Variants in SOX18 observed in about 807,000 individuals in gnomAD.
The protein encoded by SOX18 is transcription factor SOX-18.
A neutral mutation model predicts 9.1 loss-of-function variants in SOX18; 2 were observed. That is an observed-to-expected ratio of 0.22 (90% confidence interval 0.09 to 0.69). The LOEUF (loss-of-function observed/expected upper bound fraction) is 0.69, where lower values mean the gene tolerates loss of function less well. Ranked by LOEUF, SOX18 falls within the 30% of genes least tolerant of loss-of-function variation. The probability of loss-of-function intolerance (pLI) is 0.80; values close to 1 mark genes in which losing one functional copy is unlikely to be tolerated. For synonymous variants in SOX18, 292 were observed against 280.5 expected (o/e 1.04, Z -0.41); for missense variants, 542 against 567.3 (o/e 0.96, Z 0.45).
chr20:64,048,687 G>T lies in SOX18; in HGVS notation c.634C>A (p.Leu212Met). The T allele has an allele frequency of 2.2e-6, 3 of 1,356,612 alleles. No individual in the cohort carries two copies. Among genetic ancestry groups the T allele is most frequent in the Non-Finnish European group, 2.8e-6 (3 of 1,063,168 alleles). 84.0% of individuals were successfully genotyped at this position (1,356,612 alleles called of 1,614,324 possible). A position where few individuals can be genotyped will look rare whatever the true frequency, so the allele number is the denominator to read the frequency against. Residue 212 changes from leucine to methionine, a missense_variant, in exon 2 of 2, where the codon CTG becomes ATG. By Grantham distance (15) the Leu-to-Met change is conservative (BLOSUM62 2). Transcript: ENST00000340356. ...AGAGGCGAGCGCTCGGGCGTGGGCA[G>T]CCCCAGGCCGTCGAACTCGGCGCCC... ...PLGAEFDGLG[L>M]PTPERSPLDG...
rs768744578 is a variant in SOX18, at chr20:64,049,326, G to A, written c.191C>T (p.Pro64Leu). ...GGCCGGGCTGAGGCCATAGCGCCCCGGCTCGGGGCTGCGCGGGGGACTGCG... is the reference window on the plus strand; with the variant it reads ...GGCCGGGCTGAGGCCATAGCGCCCCAGCTCGGGGCTGCGCGGGGGACTGCG... ...PQRSPPRSPE[P>L]GRYGLSPAGR... The change falls in exon 1 of 2, where the codon CCG (proline) becomes CTG (leucine). Residue 64 changes from proline to leucine, a missense_variant. Transcript: ENST00000340356. 6 of 1,401,810 alleles carry A rather than the reference G, an allele frequency of 4.3e-6. No homozygotes were observed. Among genetic ancestry groups the A allele is most frequent in the African/African-American group, 1.5e-5 (1 of 65,774 alleles). 86.8% of individuals were successfully genotyped at this position (1,401,810 alleles called of 1,614,324 possible). A position where few individuals can be genotyped will look rare whatever the true frequency, so the allele number is the denominator to read the frequency against.
rs1429120378 is a variant in SOX18 at position 64,048,287 on chromosome 20, T to C, written c.1034A>G (p.Tyr345Cys). 1.3e-6 allele frequency: 2 copies of C among 1,596,852 alleles called. No homozygotes were observed. Among genetic ancestry groups the C allele is most frequent in the Admixed American group, 3.4e-5 (2 of 58,332 alleles). ...RTRPDAPGLP[Y>C]HVALAKLGPR... is the part of the protein sequence containing the mutation. ...GCCCAGTTTGGCCAGTGCCACGTGG[T>C]ACGGGAGCCCGGGGGCGTCGGGCCG... is the stretch of plus-strand genomic sequence containing the variant. The change falls in exon 2 of 2, where the codon TAC becomes TGC. Residue 345 changes from tyrosine (Y) to cysteine (C), a missense_variant. By Grantham distance (194) the Tyr-to-Cys change is radical. Coordinates refer to ENST00000340356, the MANE Select transcript of SOX18 (RefSeq NM_018419.3).
At position 64,049,317 on chromosome 20, in the gene SOX18, T is replaced by G; in HGVS notation, c.200A>C (p.Tyr67Ser). The part of the protein sequence containing the change: ...SPPRSPEPGR[Y>S]GLSPAGRGER... ...CCCGCGGCCGGCCGGGCTGAGGCCA[T>G]AGCGCCCCGGCTCGGGGCTGCGCGG... The change falls in exon 1 of 2, where the codon TAT (tyrosine) becomes TCT (serine). Residue 67 changes from tyrosine to serine, a missense_variant. Physicochemically the swap from Tyr to Ser is moderately radical, Grantham distance 144. Coordinates refer to ENST00000340356, the MANE Select transcript of SOX18 (RefSeq NM_018419.3). 2.8e-6 allele frequency: 4 copies of G among 1,442,586 alleles called. No individual in the cohort carries two copies. Among genetic ancestry groups the G allele is most frequent in the Middle Eastern group, 2.4e-4 (1 of 4,138 alleles). The allele number at this position is 1,442,586 out of a possible 1,614,324, so 89.4% of individuals were successfully genotyped here.
chr20:64,049,100 ACCCCGGCCCGAGCCCCCCCCGC>A, intron 1 of SOX18, 37 bp downstream of exon 1: 4 of 275,872 alleles, frequency 1.4e-5, no homozygotes, highest in East Asian at 4.4e-4. Context: ...CCCCCGCCCC[ACCCCGGCCCGAGCCCCCCCCGC>A]CCTCTCCCCC....
chr20:64,048,016 C>T lies in SOX18; in HGVS notation c.*150G>A, dbSNP rs903075113. The T allele has an allele frequency of 3.0e-5, 26 of 876,164 alleles. No individual in the cohort carries two copies. Among genetic ancestry groups the T allele is most frequent in the Non-Finnish European group, 3.4e-5 (19 of 561,860 alleles). The allele number at this position is 876,164 out of a possible 1,614,324, so 54.3% of individuals were successfully genotyped here. A position where few individuals can be genotyped will look rare whatever the true frequency, so the allele number is the denominator to read the frequency against. On this transcript the variant is annotated 3_prime_UTR_variant, in exon 2 of 2. Transcript: ENST00000340356. ...AGGGTGGCCTGGGAGGTGGAACGGGCGCAAGGCCGAGCATCACTGGCTCCT... is the reference window on the plus strand; with the variant it reads ...AGGGTGGCCTGGGAGGTGGAACGGGTGCAAGGCCGAGCATCACTGGCTCCT...
chr20:64,047,847 G>A lies in SOX18; in HGVS notation c.*319C>T. The stretch of plus-strand genomic sequence containing the variant: ...TTGTAGAAAATACACTGCAAGAAAA[G>A]GAGCAGGTGCTTCAAAAATGTAACC... On this transcript the variant is annotated 3_prime_UTR_variant, in exon 2 of 2. Coordinates refer to ENST00000340356, the MANE Select transcript of SOX18 (RefSeq NM_018419.3). 1 of 439,158 alleles carries A rather than the reference G, an allele frequency of 2.3e-6. No individual in the cohort carries two copies. The highest frequency in any genetic ancestry group is 4.1e-6 in the Non-Finnish European group (1 of 245,470). The allele number at this position is 439,158 out of a possible 1,614,324, so 27.2% of individuals were successfully genotyped here.
chr20:64,048,994 C>T, intron 1 of SOX18, 32 bp from the exon 2 acceptor site: 1 of 1,553,428 alleles, frequency 6.4e-7, no homozygotes, highest in South Asian at 1.2e-5. Context: ...GAGTGGAACG[C>T]CGTCGGGCGG....
In SOX18 at chr20:64,048,821, C is replaced by A; in HGVS notation, c.500G>T (p.Arg167Leu). 1.3e-6 allele frequency: 2 copies of A among 1,563,976 alleles called. No individual in the cohort carries two copies. The highest frequency in any genetic ancestry group is 2.4e-5 in the East Asian group (1 of 41,526). The change falls in exon 2 of 2, where the codon CGG (arginine) becomes CTG (leucine). Residue 167 changes from arginine (R) to leucine (L), a missense_variant. Coordinates refer to ENST00000340356, the MANE Select transcript of SOX18 (RefSeq NM_018419.3). ...RRKKQARKARRLEPGLLLPGL... is the reference protein window; with the variant it reads ...RRKKQARKARLLEPGLLLPGL... ...CGGGAGCAGGAGGCCGGGCTCCAGC[C>A]GCCGGGCCTTGCGCGCCTGCTTCTT...
rs2059411494 is a variant in SOX18, at chr20:64,048,770, G to C, written c.551C>G (p.Pro184Arg). The change falls in exon 2 of 2, where the codon CCC becomes CGC. Residue 184 changes from proline (P) to arginine (R), a missense_variant. Pro to Arg is a moderately radical substitution (Grantham distance 103). Coordinates refer to ENST00000340356, the MANE Select transcript of SOX18 (RefSeq NM_018419.3). ...LPGLAPPQPP[P>R]EPFPAASGSA... ...GCCAGACGCCGCGGGGAAAGGCTCG[G>C]GCGGTGGCTGCGGGGGCGCTAATCC... 1 of 1,494,798 alleles carries C rather than the reference G, an allele frequency of 6.7e-7. No homozygotes were observed. The highest frequency in any genetic ancestry group is 1.5e-5 in the African/African-American group (1 of 68,856). 92.6% of individuals were successfully genotyped at this position (1,494,798 alleles called of 1,614,324 possible).
rs1442361544 is a variant in SOX18 at position 64,049,341 on chromosome 20, G to A, written c.176C>T (p.Pro59Leu). ...ATAGCGCCCCGGCTCGGGGCTGCGC[G>A]GGGGACTGCGCTGCGGGCTGGGCGG... is the stretch of plus-strand genomic sequence containing the variant. The part of the protein sequence containing the change: ...ASPPSPQRSP[P>L]RSPEPGRYGL... Residue 59 changes from proline (P) to leucine (L), a missense_variant, in exon 1 of 2, where the codon CCG becomes CTG. Pro to Leu is a moderately conservative substitution (Grantham distance 98). Coordinates refer to ENST00000340356, the MANE Select transcript of SOX18 (RefSeq NM_018419.3). 7.1e-6 allele frequency: 9 copies of A among 1,261,076 alleles called. No individual in the cohort carries two copies. Among genetic ancestry groups the A allele is most frequent in the Admixed American group, 3.3e-5 (1 of 30,694 alleles). The allele number at this position is 1,261,076 out of a possible 1,614,324, so 78.1% of individuals were successfully genotyped here.
rs1283715642 is a variant in SOX18 at position 64,048,902 on chromosome 20, C to A, written c.419G>T (p.Arg140Leu). 2.5e-6 allele frequency: 4 copies of A among 1,596,446 alleles called. No homozygotes were observed. The highest frequency in any genetic ancestry group is 1.4e-5 in the African/African-American group (1 of 73,708). ...GTCGCGCAAGTGCTGCACGCGCAGC[C>A]GTTCGGCTTCCTCCACGAAGGGCCG... ...EKRPFVEEAERLRVQHLRDHP... is the reference protein window; with the variant it reads ...EKRPFVEEAELLRVQHLRDHP... Residue 140 changes from arginine (R) to leucine (L), a missense_variant, in exon 2 of 2, where the codon CGG (arginine) becomes CTG (leucine). Physicochemically the swap from Arg to Leu is moderately radical, Grantham distance 102. Coordinates refer to ENST00000340356, the MANE Select transcript of SOX18 (RefSeq NM_018419.3).
Position 64,048,370 on chromosome 20 carries a change from A to T in SOX18, c.951T>A (p.Asp317Glu), listed in dbSNP as rs1431448540. 2.5e-6 allele frequency: 4 copies of T among 1,576,976 alleles called. No individual in the cohort carries two copies. Among genetic ancestry groups the T allele is most frequent in the Non-Finnish European group, 3.4e-6 (4 of 1,164,572 alleles). The change falls in exon 2 of 2, where the codon GAT (aspartate) becomes GAA (glutamate). Residue 317 changes from aspartate to glutamate, a missense_variant. Asp to Glu is a conservative substitution (Grantham distance 45, BLOSUM62 2). Coordinates refer to ENST00000340356, the MANE Select transcript of SOX18 (RefSeq NM_018419.3). The part of the protein sequence containing the change: ...ESAEPLGPAA[D>E]LWADVDLTEF... ...CGGTGAGGTCCACGTCGGCCCACAG[A>T]TCGGCGGCGGGCCCCAGCGGCTCGG...
intron 1 of SOX18, 60 bp downstream of exon 1, chr20:64,049,099 C>T (rs1298933518): frequency 1.0e-6 from 1 of 977,734 alleles, no homozygotes; most frequent in Non-Finnish European, 1.3e-6. Flanking sequence ...CCCCCCGCCC[C>T]ACCCCGGCCC....
chr20:64,049,084 C>CCGGGG, intron 1 of SOX18, 75 bp downstream of exon 1: 1 of 1,037,304 alleles, frequency 9.6e-7, no homozygotes, highest in Non-Finnish European at 1.2e-6. Flanking sequence ...CCCGGGACCC[C>CCGGGG]TGCCCCCCCC....
rs1373641445 is a variant in SOX18, at chr20:64,049,144, C to T, written c.358+15G>A. 2 of 1,430,430 alleles carry T rather than the reference C, an allele frequency of 1.4e-6. No homozygotes were observed. Among genetic ancestry groups the T allele is most frequent in the Middle Eastern group, 2.5e-4 (1 of 3,934 alleles). 88.6% of individuals were successfully genotyped at this position (1,430,430 alleles called of 1,614,324 possible). On this transcript the variant is annotated intron_variant, in intron 1 of 1. Coordinates refer to ENST00000340356, the MANE Select transcript of SOX18 (RefSeq NM_018419.3). ...CCGCCCTCTCCCCCTTCTCTGCCGC[C>T]CTCCCGCCGCTCACCCAGCATCTTG...
In SOX18 at chr20:64,048,882, G is replaced by A; in HGVS notation, c.439C>T (p.Arg147Cys). 6.3e-7 allele frequency: 1 copy of A among 1,594,896 alleles called. No homozygotes were observed. Among genetic ancestry groups the A allele is most frequent in the East Asian group, 2.3e-5 (1 of 43,884 alleles). ...CGGTACTTGTAGTTGGGGTGGTCGC[G>A]CAAGTGCTGCACGCGCAGCCGTTCG... Reference protein sequence around the residue: ...EAERLRVQHLRDHPNYKYRPR... With the variant: ...EAERLRVQHLCDHPNYKYRPR... The change falls in exon 2 of 2, where the codon CGC (arginine) becomes TGC (cysteine). Residue 147 changes from arginine (R) to cysteine (C), a missense_variant. Physicochemically the swap from Arg to Cys is radical, Grantham distance 180. Coordinates refer to ENST00000340356, the MANE Select transcript of SOX18 (RefSeq NM_018419.3).
In SOX18 at chr20:64,048,307, G is replaced by A; in HGVS notation, c.1014C>T (p.Pro338=). Residue 338 remains proline (P), a synonymous_variant, in exon 2 of 2, where the codon CCC becomes CCT. Coordinates refer to ENST00000340356, the MANE Select transcript of SOX18 (RefSeq NM_018419.3). ...CGTGGTACGGGAGCCCGGGGGCGTC[G>A]GGCCGAGTCCGGCTGCAGTTGAGGT... ...DQYLNCSRTR[P]DAPGLPYHVA... is the part of the protein sequence containing the mutation. 1.3e-6 allele frequency: 2 copies of A among 1,594,004 alleles called. No homozygotes were observed. Among genetic ancestry groups the A allele is most frequent in the Non-Finnish European group, 1.7e-6 (2 of 1,171,788 alleles).
Position 64,049,570 on chromosome 20 carries a change from G to A in SOX18, c.-54C>T. The A allele has an allele frequency of 2.0e-6, 2 of 1,018,518 alleles. No individual in the cohort carries two copies. Among genetic ancestry groups the A allele is most frequent in the Middle Eastern group, 9.2e-4 (2 of 2,172 alleles). The allele number at this position is 1,018,518 out of a possible 1,614,324, so 63.1% of individuals were successfully genotyped here. ...GAGCGCGGGAGCGCGGCGGGCGGGC[G>A]GCGGGCACTGGGGAGCCGGGCGCAA... On this transcript the variant is annotated 5_prime_UTR_variant, in exon 1 of 2. Transcript: ENST00000340356.
chr20:64,048,252 T>G lies in SOX18; in HGVS notation c.1069A>C (p.Met357Leu), dbSNP rs781457379. The G allele has an allele frequency of 1.9e-6, 3 of 1,593,296 alleles. No individual in the cohort carries two copies. In the Admixed American group the frequency reaches 5.2e-5, roughly 28 times the overall value. ...AGGCTGCTCTCCTCTGGGCAGGACA[T>G]GGCGCGCGGGCCCAGTTTGGCCAGT... is the stretch of plus-strand genomic sequence containing the variant. ...VALAKLGPRA[M>L]SCPEESSLIS... The change falls in exon 2 of 2, where the codon ATG becomes CTG. Residue 357 changes from methionine to leucine, a missense_variant. Met to Leu is a conservative substitution (Grantham distance 15). Coordinates refer to ENST00000340356, the MANE Select transcript of SOX18 (RefSeq NM_018419.3).
Sources: allele counts gnomAD v4.1 joint callset, GRCh38; gene constraint gnomAD v4.1.1; transcripts MANE v1.5; gene names NCBI Gene and HGNC (gene_info 2026-07-23, HGNC 2026-07-21).